Variants in FAM20B observed in about 807,000 individuals in gnomAD.
FAM20B encodes the protein glycosaminoglycan xylosylkinase.
FAM20B carries 23 observed loss-of-function variants against 43.8 expected under a neutral mutation model. The ratio of observed to expected loss-of-function variants is 0.53; its 90% CI spans 0.38 to 0.74. FAM20B has a LOEUF of 0.74. Among genes scored for constraint, FAM20B ranks in the 30% least tolerant of loss-of-function variants. The probability of loss-of-function intolerance (pLI) is 0.00; values close to 1 mark genes in which losing one functional copy is unlikely to be tolerated. For missense variants in FAM20B, 440 were observed against 510.5 expected, an observed-to-expected ratio of 0.86 and a Z score of 1.33; for synonymous variants, 178 against 192.4, an observed-to-expected ratio of 0.93 and a Z score of 0.62.
intron 1 of FAM20B, among the ~76,000 whole-genome samples, chr1:179,036,461 C>T (rs563544978): frequency 1.3e-5 from 2 of 152,040 alleles, no homozygotes; most frequent in African/African-American, 2.4e-5. Context: ...AAGCATGTAT[C>T]GGAGGAGCTG....
chr1:179,074,115 A>T lies in FAM20B; in HGVS notation c.*1971A>T, dbSNP rs943644241. 2 of 152,680 alleles carry T rather than the reference A, an allele frequency of 1.3e-5. No individual in the cohort carries two copies. The highest frequency in any genetic ancestry group is 2.9e-5 in the Non-Finnish European group (2 of 68,042). The allele number at this position is 152,680 out of a possible 1,614,324, so 9.5% of individuals were successfully genotyped here. On this transcript the variant is annotated 3_prime_UTR_variant, in exon 8 of 8. Coordinates refer to ENST00000263733, the MANE Select transcript of FAM20B (RefSeq NM_014864.4). ...AAAGATAACTGAGTAATAACCTGTA[A>T]CTATTTTTAAATGGCATGAAATTAG... is the stretch of plus-strand genomic sequence containing the variant.
upstream of FAM20B, among the ~76,000 whole-genome samples, chr1:179,023,412 C>T (rs550165396): frequency 6.6e-5 from 10 of 152,262 alleles, no homozygotes; most frequent in South Asian, 4.1e-4. Flanking sequence ...GATTAGACAA[C>T]GACATGTAGA....
intron 2 of FAM20B, among the ~76,000 whole-genome samples, chr1:179,046,522 T>C (rs555854199): frequency 6.6e-6 from 1 of 151,902 alleles, no homozygotes; most frequent in Non-Finnish European, 1.5e-5. Flanking sequence ...CGTTTTGGTA[T>C]GTGCCTGTAA....
chr1:179,040,372 C>A (rs1376964544), intron 1 of FAM20B, among the ~76,000 whole-genome samples: 2 of 150,344 alleles, frequency 1.3e-5, no homozygotes, highest in Admixed American at 1.3e-4. Context: ...CCAACCCCCC[C>A]ACTTCCCTCC....
intron 1 of FAM20B, among the ~76,000 whole-genome samples, chr1:179,036,095 A>T (rs1324432360): frequency 6.6e-6 from 1 of 152,126 alleles, no homozygotes; most frequent in Middle Eastern, 3.2e-3. Context: ...GCACCACTGC[A>T]CTCCAGCCTG....
chr1:179,029,193 C>T (rs878954770), intron 1 of FAM20B, among the ~76,000 whole-genome samples: 3 of 152,234 alleles, frequency 2.0e-5, no homozygotes, highest in South Asian at 2.1e-4. Flanking sequence ...CTTATTTTGA[C>T]GGTGGAAGAG....
chr1:179,062,897 A>G (rs1651529344), intron 4 of FAM20B, among the ~76,000 whole-genome samples: 1 of 152,150 alleles, frequency 6.6e-6, no homozygotes, highest in East Asian at 1.9e-4. Context: ...TTGGCCTAGT[A>G]CATGACCTCT....
At chr1:179,071,269 C>T (rs1231376468) in intron 7 of FAM20B, among the ~76,000 whole-genome samples, 3 of 151,958 alleles carry the variant, frequency 2.0e-5, no homozygotes, top group Admixed American at 6.6e-5. Context: ...GCACTCCAGC[C>T]TGGGCGACAG....
chr1:179,020,944 G>A (rs959773989), upstream of FAM20B, among the ~76,000 whole-genome samples: 12 of 152,168 alleles, frequency 7.9e-5, no homozygotes, highest in Non-Finnish European at 1.6e-4. Flanking sequence ...GGTGGCGCAC[G>A]CCTGTAGTCA....
chr1:179,019,407 G>A, the FAM20B span, among the ~76,000 whole-genome samples: 1 of 151,958 alleles, frequency 6.6e-6, no homozygotes, highest in African/African-American at 2.4e-5. Flanking sequence ...TGGATGACTG[G>A]TGGTCACATT....
At chr1:179,032,556 AAGCATCC>A (rs1650060611) in intron 1 of FAM20B, among the ~76,000 whole-genome samples, 1 of 152,148 alleles carries the variant, frequency 6.6e-6, no homozygotes, top group Non-Finnish European at 1.5e-5. Flanking sequence ...GTGGTAAAGG[AAGCATCC>A]AGGCCTAGGC....
At chr1:179,047,235 C>T (rs919590750) in intron 2 of FAM20B, among the ~76,000 whole-genome samples, 4 of 152,134 alleles carry the variant, frequency 2.6e-5, no homozygotes, top group Admixed American at 2.6e-4. Flanking sequence ...CTTCTTGCTT[C>T]ATCTTATATC....
rs767927216 is a variant in FAM20B, at chr1:179,063,972, C to T, written c.620C>T (p.Thr207Ile). ...GGGAAGTGCTATTACTGCCGAGAAA[C>T]AGAACCAGCTTGTGCTGATGGAGAC... ...FYGKCYYCRE[T>I]EPACADGDIM... is the part of the protein sequence containing the mutation. The change falls in exon 5 of 8, where the codon ACA (threonine) becomes ATA (isoleucine). Residue 207 changes from threonine (T) to isoleucine (I), a missense_variant. By Grantham distance (89) the Thr-to-Ile change is moderately conservative. Coordinates refer to ENST00000263733, the MANE Select transcript of FAM20B (RefSeq NM_014864.4). 2.5e-6 allele frequency: 4 copies of T among 1,613,114 alleles called. No homozygotes were observed. Among genetic ancestry groups the T allele is most frequent in the East Asian group, 2.2e-5 (1 of 44,876 alleles).
At chr1:179,030,302 T>TAA (rs879349734) in intron 1 of FAM20B, among the ~76,000 whole-genome samples, 2 of 144,130 alleles carry the variant, frequency 1.4e-5, no homozygotes. Flanking sequence ...TAGTTTTCTG[T>TAA]AAAAAAAAAA....
At chr1:179,065,221 G>A (rs1651641033) in intron 6 of FAM20B, among the ~76,000 whole-genome samples, 2 of 151,610 alleles carry the variant, frequency 1.3e-5, no homozygotes, top group Non-Finnish European at 2.9e-5. Flanking sequence ...CACAATCTCA[G>A]CTCACTGCAA....
chr1:179,072,347 G>T lies in FAM20B; in HGVS notation c.*203G>T. ...TTCAGAGCATGGAGACATTCCTGCTGAATCGCCTTCTCACCTCCTCGGCAA... is the reference window on the plus strand; with the variant it reads ...TTCAGAGCATGGAGACATTCCTGCTTAATCGCCTTCTCACCTCCTCGGCAA... On this transcript the variant is annotated 3_prime_UTR_variant, in exon 8 of 8. Coordinates refer to ENST00000263733, the MANE Select transcript of FAM20B (RefSeq NM_014864.4). The T allele has an allele frequency of 3.5e-6, 2 of 572,980 alleles. No individual in the cohort carries two copies. Among genetic ancestry groups the T allele is most frequent in the South Asian group, 4.2e-5 (2 of 47,362 alleles). The allele number at this position is 572,980 out of a possible 1,614,324, so 35.5% of individuals were successfully genotyped here.
At chr1:179,024,740 A>C (rs1273882764), upstream of FAM20B, among the ~76,000 whole-genome samples, 1 of 152,230 alleles carries the variant, frequency 6.6e-6, no homozygotes, top group East Asian at 1.9e-4. Context: ...CCTGATAGTA[A>C]ATGCTCAGCA....
In FAM20B at chr1:179,038,411, C is replaced by CAAA. The variant is rs34979873; in HGVS notation, c.-133-5291_-133-5289dup. Among the ~76,000 whole-genome samples the CAAA allele has an allele frequency of 4.7e-4, 62 of 132,882 alleles. No individual in the cohort carries two copies. In the South Asian group the frequency reaches 8.9e-3, roughly 19 times the overall value. 87.2% of individuals were successfully genotyped at this position (132,882 alleles called of 152,430 possible). ...GGGCAACACAAGCGAAACTGCATCT[C>CAAA]AAAAAAAAAAAAAAAGAAAAAAGTT... On this transcript the variant is annotated intron_variant, in intron 1 of 7. Coordinates refer to ENST00000263733, the MANE Select transcript of FAM20B (RefSeq NM_014864.4).
intron 4 of FAM20B, among the ~76,000 whole-genome samples, chr1:179,062,683 A>C (rs936092744): frequency 5.9e-5 from 9 of 152,088 alleles, no homozygotes; most frequent in East Asian, 3.9e-4. Flanking sequence ...ACAAAAAAAA[A>C]CACCCATCAA....
Sources: gnomAD v4.1 joint callset for allele counts (sites outside exome capture counted in the v4.1 genomes callset) on GRCh38, gnomAD v4.1.1 for gene constraint, MANE v1.5 for transcripts, NCBI Gene and HGNC (gene_info 2026-07-23, HGNC 2026-07-21) for gene names.